The following NEXMIF variants were observed in gnomAD, a reference collection of about 807,000 sequenced individuals.
NEXMIF encodes the protein XLMR protein related to neurite extension.
NEXMIF carries 8 observed loss-of-function variants against 62.1 expected under a neutral mutation model. The observed-to-expected ratio is 0.13, with a 90% CI of 0.08 to 0.23. NEXMIF has a LOEUF of 0.23. Ranked by LOEUF, NEXMIF falls within the 10% of genes least tolerant of loss-of-function variation. The pLI, the probability that NEXMIF is intolerant of heterozygous loss-of-function variation, is 1.00. For synonymous variants in NEXMIF, 404 were observed against 416.6 expected (o/e 0.97, Z 0.37); for missense variants, 976 against 1,113.3 (o/e 0.88, Z 1.75).
chrX:74,905,891 C>CCCTA (rs2080766958), intron 1 of NEXMIF, among the ~76,000 whole-genome samples: 2 of 112,024 alleles, frequency 1.8e-5, no homozygotes, highest in Non-Finnish European at 3.8e-5. Context: ...TGAACTATTT[C>CCCTA]TTTTCCCTAT....
intron 1 of NEXMIF, among the ~76,000 whole-genome samples, chrX:74,756,913 C>T (rs1331985887): frequency 1.8e-5 from 2 of 111,839 alleles, no homozygotes; most frequent in African/African-American, 6.5e-5. Flanking sequence ...TGCAGGACTC[C>T]TCCCAAATCT....
intron 1 of NEXMIF, among the ~76,000 whole-genome samples, chrX:74,759,097 G>T (rs2080168247): frequency 8.9e-6 from 1 of 112,035 alleles, no homozygotes; most frequent in African/African-American, 3.2e-5. Context: ...TAGCCATTCT[G>T]ACTGGCATGA....
intron 1 of NEXMIF, among the ~76,000 whole-genome samples, chrX:74,851,989 A>G (rs1180779675): frequency 9.0e-6 from 1 of 111,462 alleles, no homozygotes; most frequent in East Asian, 2.8e-4. Context: ...ATGTAAACAA[A>G]TGAGGCATTC....
intron 1 of NEXMIF, among the ~76,000 whole-genome samples, chrX:74,885,248 A>G (rs932558235): frequency 8.9e-6 from 1 of 111,873 alleles, no homozygotes; most frequent in African/African-American, 3.3e-5. Context: ...TAGAGAAGCA[A>G]CAGCAAAAAA....
intron 1 of NEXMIF, among the ~76,000 whole-genome samples, chrX:74,909,846 C>T (rs2080782314): frequency 8.9e-6 from 1 of 112,182 alleles, no homozygotes; most frequent in Non-Finnish European, 1.9e-5. Flanking sequence ...ACGTACAGCT[C>T]GGCCCATGGT....
chrX:74,866,549 T>G (rs1032983205), intron 1 of NEXMIF, among the ~76,000 whole-genome samples: 1 of 112,055 alleles, frequency 8.9e-6, no homozygotes, highest in Non-Finnish European at 1.9e-5. Context: ...GAACATGAGA[T>G]TTGGAAGGGG....
chrX:74,921,727 A>T (rs1194817704), intron 1 of NEXMIF, among the ~76,000 whole-genome samples: 1 of 110,699 alleles, frequency 9.0e-6, no homozygotes. Flanking sequence ...TAAAAGAAAA[A>T]AAAAATGAAT....
chrX:74,873,924 T>G (rs1338495493), intron 1 of NEXMIF, among the ~76,000 whole-genome samples: 14 of 111,547 alleles, frequency 1.3e-4, no homozygotes, highest in Admixed American at 2.9e-4. Context: ...TGCAAAAATT[T>G]TCTCCCATTT....
intron 1 of NEXMIF, among the ~76,000 whole-genome samples, chrX:74,759,173 A>C (rs765985407): frequency 8.9e-6 from 1 of 111,966 alleles, no homozygotes; most frequent in Non-Finnish European, 1.9e-5. Context: ...GATTTTTTTC[A>C]TATGATTGTC....
intron 1 of NEXMIF, among the ~76,000 whole-genome samples, chrX:74,848,480 T>G (rs2080501129): frequency 8.9e-6 from 1 of 112,367 alleles, no homozygotes; most frequent in Non-Finnish European, 1.9e-5. Context: ...TGTCAGTAGG[T>G]CTGTACCCTC....
chrX:74,763,253 GT>G (rs1307388623), intron 1 of NEXMIF, among the ~76,000 whole-genome samples: 2 of 111,466 alleles, frequency 1.8e-5, no homozygotes, highest in African/African-American at 6.5e-5. Flanking sequence ...TTTTTCTCAG[GT>G]TTGTCAAAGA....
At chrX:74,916,166 C>A (rs2080806103) in intron 1 of NEXMIF, among the ~76,000 whole-genome samples, 1 of 111,761 alleles carries the variant, frequency 8.9e-6, no homozygotes. Context: ...ATTTGCAATT[C>A]CACATCACCA....
At chrX:74,878,188 T>C (rs1030859664) in intron 1 of NEXMIF, among the ~76,000 whole-genome samples, 2 of 111,693 alleles carry the variant, frequency 1.8e-5, no homozygotes, top group Non-Finnish European at 3.8e-5. Flanking sequence ...CCTTTCTGTT[T>C]GTTAGTTTTC....
At chrX:74,756,851 C>T (rs1232819117) in intron 1 of NEXMIF, among the ~76,000 whole-genome samples, 1 of 110,998 alleles carries the variant, frequency 9.0e-6, no homozygotes, top group Admixed American at 9.6e-5. Flanking sequence ...ATAGGAAACA[C>T]CCATTGCACA....
intron 1 of NEXMIF, among the ~76,000 whole-genome samples, chrX:74,842,880 T>A (rs774760825): frequency 8.9e-6 from 1 of 112,284 alleles, no homozygotes; most frequent in African/African-American, 3.2e-5. Context: ...CTGACGATTG[T>A]TTTATGTCTA....
At chrX:74,891,913 G>A (rs1459555995) in intron 1 of NEXMIF, among the ~76,000 whole-genome samples, 1 of 112,357 alleles carries the variant, frequency 8.9e-6, no homozygotes, top group Non-Finnish European at 1.9e-5. Context: ...CTGGAGGGAA[G>A]TCATAAAGAA....
At chrX:74,749,105 A>C (rs780981522) in intron 1 of NEXMIF, among the ~76,000 whole-genome samples, 1 of 111,677 alleles carries the variant, frequency 9.0e-6, no homozygotes, top group East Asian at 2.8e-4. Flanking sequence ...AACAAATTGT[A>C]AGTATAATAC....
chrX:74,897,602 G>T (rs2080736675), intron 1 of NEXMIF, among the ~76,000 whole-genome samples: 1 of 111,381 alleles, frequency 9.0e-6, no homozygotes, highest in African/African-American at 3.3e-5. Context: ...CCAGAAGAAA[G>T]CTGCTAGATG....
intron 1 of NEXMIF, among the ~76,000 whole-genome samples, chrX:74,893,766 A>G (rs1294161349): frequency 8.9e-6 from 1 of 112,147 alleles, no homozygotes; most frequent in Non-Finnish European, 1.9e-5. Flanking sequence ...ATAGCATCCT[A>G]AATTTATGCA....
Sources: allele counts gnomAD v4.1 joint callset (sites outside exome capture counted in the v4.1 genomes callset), GRCh38; gene constraint gnomAD v4.1.1; transcripts MANE v1.5; gene names NCBI Gene and HGNC (gene_info 2026-07-23, HGNC 2026-07-21).